Variants in DENND1A observed in about 807,000 individuals in gnomAD.
DENND1A encodes the protein DENN domain containing 1A, also known as DENN domain-containing protein 1A.
In DENND1A, 51 loss-of-function variants were observed where a neutral mutation model predicts 113.7. That is an observed-to-expected ratio of 0.45 (90% CI 0.36 to 0.57). DENND1A has a LOEUF of 0.57. Among genes scored for constraint, DENND1A ranks in the 20% least tolerant of loss-of-function variants. DENND1A has a pLI of 0.00. For missense variants in DENND1A, 1,258 were observed against 1,395.9 expected (o/e 0.90, Z 1.57); for synonymous variants, 565 against 570.8 (o/e 0.99, Z 0.14).
intron 7 of DENND1A, among the ~76,000 whole-genome samples, chr9:123,669,776 C>T (rs972610351): frequency 1.3e-5 from 2 of 152,194 alleles, no homozygotes; most frequent in East Asian, 3.8e-4. Flanking sequence ...AGATGGTCTC[C>T]CCTGCCGTAT....
intron 5 of DENND1A, among the ~76,000 whole-genome samples, chr9:123,728,295 T>G (rs1262291050): frequency 6.6e-6 from 1 of 150,806 alleles, no homozygotes; most frequent in African/African-American, 2.4e-5. Context: ...CTGACCAACA[T>G]GGAGAAACCC....
At chr9:123,724,247 A>C (rs2067536623) in intron 5 of DENND1A, among the ~76,000 whole-genome samples, 1 of 152,206 alleles carries the variant, frequency 6.6e-6, no homozygotes, top group South Asian at 2.1e-4. Context: ...CAACTCGTTG[A>C]GGGAGGCTGA....
intron 8 of DENND1A, among the ~76,000 whole-genome samples, chr9:123,661,638 G>A (rs1313610436): frequency 6.6e-6 from 1 of 152,208 alleles, no homozygotes; most frequent in Non-Finnish European, 1.5e-5. Context: ...TCTTAAATGT[G>A]ACGGGGCAGC....
intron 13 of DENND1A, among the ~76,000 whole-genome samples, chr9:123,527,604 A>G (rs1052086084): frequency 3.3e-5 from 5 of 151,982 alleles, no homozygotes; most frequent in Non-Finnish European, 5.9e-5. Context: ...CTGAGCCCCA[A>G]TTCCTAGTTG....
chr9:123,667,000 A>T (rs2063523838), intron 8 of DENND1A, 26 bp downstream of exon 8: 14 of 1,569,558 alleles, frequency 8.9e-6, no homozygotes, highest in Non-Finnish European at 1.2e-5. Context: ...TAAAAATTTA[A>T]TTTTTTCTTC....
At chr9:123,409,827 C>T (rs1216478030) in intron 20 of DENND1A, among the ~76,000 whole-genome samples, 4 of 152,154 alleles carry the variant, frequency 2.6e-5, no homozygotes, top group African/African-American at 9.7e-5. Context: ...TGCGGTGGCT[C>T]ACGTCTGTAA....
At chr9:123,658,021 G>C (rs908976799) in intron 8 of DENND1A, among the ~76,000 whole-genome samples, 1 of 151,868 alleles carries the variant, frequency 6.6e-6, no homozygotes, top group African/African-American at 2.4e-5. Flanking sequence ...CTCTATAATC[G>C]CAGTTCTTGA....
chr9:123,732,389 C>G (rs2068241007), intron 5 of DENND1A, among the ~76,000 whole-genome samples: 1 of 152,248 alleles, frequency 6.6e-6, no homozygotes, highest in Non-Finnish European at 1.5e-5. Context: ...CACACACCAA[C>G]ATGGATGGAT....
At chr9:123,697,433 G>C (rs370430731) in intron 5 of DENND1A, among the ~76,000 whole-genome samples, 5 of 152,176 alleles carry the variant, frequency 3.3e-5, no homozygotes, top group African/African-American at 1.2e-4. Context: ...GGTGGTACTT[G>C]GTTACATGAG....
intron 5 of DENND1A, among the ~76,000 whole-genome samples, chr9:123,735,947 C>T (rs967261144): frequency 2.0e-5 from 3 of 151,932 alleles, no homozygotes; most frequent in African/African-American, 4.8e-5. Flanking sequence ...TGCAGTGAGC[C>T]GAGATTGTGC....
intron 5 of DENND1A, among the ~76,000 whole-genome samples, chr9:123,677,711 G>A (rs1216223925): frequency 1.3e-5 from 2 of 152,244 alleles, no homozygotes; most frequent in Non-Finnish European, 2.9e-5. Flanking sequence ...TGGGATTATA[G>A]GCGTGAGCCA....
intron 5 of DENND1A, among the ~76,000 whole-genome samples, chr9:123,749,138 G>A (rs1260001648): frequency 6.6e-6 from 1 of 152,146 alleles, no homozygotes; most frequent in African/African-American, 2.4e-5. Flanking sequence ...CAAAACCCTG[G>A]GTTGGAGGTC....
At chr9:123,663,439 TAA>T (rs2139759339) in intron 8 of DENND1A, among the ~76,000 whole-genome samples, 1 of 152,358 alleles carries the variant, frequency 6.6e-6, no homozygotes, top group Non-Finnish European at 1.5e-5. Flanking sequence ...TTCACCGCCA[TAA>T]AAGAGTGACC....
chr9:123,532,859 G>T (rs2055437557), intron 13 of DENND1A, among the ~76,000 whole-genome samples: 1 of 152,218 alleles, frequency 6.6e-6, no homozygotes, highest in Non-Finnish European at 1.5e-5. Flanking sequence ...TCTAAGAGCT[G>T]CAATGTGTAT....
At chr9:123,774,408 T>A (rs1830175000) in intron 3 of DENND1A, among the ~76,000 whole-genome samples, 1 of 152,202 alleles carries the variant, frequency 6.6e-6, no homozygotes, top group Non-Finnish European at 1.5e-5. Context: ...GTAAAGCAGT[T>A]GTTCCTGGAA....
chr9:123,846,522 G>A (rs1245243105), intron 2 of DENND1A, among the ~76,000 whole-genome samples: 3 of 152,176 alleles, frequency 2.0e-5, no homozygotes, highest in Non-Finnish European at 4.4e-5. Context: ...CAGCCATAAA[G>A]AGGAATGAAG....
chr9:123,778,045 CAGA>C (rs1469413087), intron 3 of DENND1A, among the ~76,000 whole-genome samples: 1 of 151,972 alleles, frequency 6.6e-6, no homozygotes, highest in Non-Finnish European at 1.5e-5. Context: ...ATTACAAAGA[CAGA>C]AGGAGGTGAT....
chr9:123,698,719 T>C (rs1177008843), intron 5 of DENND1A, among the ~76,000 whole-genome samples: 2 of 152,236 alleles, frequency 1.3e-5, no homozygotes, highest in East Asian at 1.9e-4. Context: ...CCCATCATGG[T>C]CTGGTGCTGT....
chr9:123,503,080 TTA>T (rs1431258368), intron 13 of DENND1A, among the ~76,000 whole-genome samples: 1 of 152,166 alleles, frequency 6.6e-6, no homozygotes, highest in African/African-American at 2.4e-5. Flanking sequence ...TTAAATATCA[TTA>T]TGTCAGGTGC....
Sources: gnomAD v4.1 joint callset for allele counts (sites outside exome capture counted in the v4.1 genomes callset) on GRCh38, gnomAD v4.1.1 for gene constraint, MANE v1.5 for transcripts, NCBI Gene and HGNC (gene_info 2026-07-23, HGNC 2026-07-21) for gene names.